Variants in PCDHGA6 observed in about 807,000 individuals in gnomAD.
The protein encoded by PCDHGA6 is protocadherin gamma subfamily A, 6, also known as protocadherin gamma-A6.
A neutral mutation model predicts 60.6 loss-of-function variants in PCDHGA6; 41 were observed. That is an observed-to-expected ratio of 0.68 (90% CI 0.53 to 0.88). The LOEUF (loss-of-function observed/expected upper bound fraction) is 0.88. PCDHGA6 is among the 40% of genes least tolerant of loss of function. PCDHGA6 has a pLI of 0.00. For synonymous variants in PCDHGA6, 594 were observed against 524.4 expected (o/e 1.13, Z -1.81); for missense variants, 1,312 against 1,203.0 (o/e 1.09, Z -1.34).
Position 141,418,795 on chromosome 5 carries a change from A to G in PCDHGA6, c.2424+42288A>G, listed in dbSNP as rs373690093. The G allele has an allele frequency of 6.8e-6, 11 of 1,613,740 alleles. No homozygotes were observed. The African/African-American group carries it at 1.5e-4, about 22-fold the overall frequency. On this transcript the variant is annotated intron_variant, in intron 1 of 3. Transcript: ENST00000517434. Reference sequence around the variant, plus strand: ...AGCAGCCTTTGGATTTTGAAGAAGTAGAAAGATATACGATAAACATAGAAG... The same window carrying G: ...AGCAGCCTTTGGATTTTGAAGAAGTGGAAAGATATACGATAAACATAGAAG...
intron 1 of PCDHGA6, chr5:141,404,885 G>C: frequency 1.2e-6 from 2 of 1,613,906 alleles, no homozygotes; most frequent in Non-Finnish European, 1.7e-6. Context: ...CCTTGTGGTG[G>C]CTGTACAGGA....
intron 1 of PCDHGA6, chr5:141,418,083 T>C: frequency 6.2e-7 from 1 of 1,614,068 alleles, no homozygotes; most frequent in Non-Finnish European, 8.5e-7. Context: ...AAGCTGCACT[T>C]CAGCGTAGAC....
chr5:141,375,701 C>T lies in PCDHGA6; in HGVS notation c.1618C>T (p.Pro540Ser), dbSNP rs768533909. ...GGTGACAGCCAGCGACAGCGGGGAC[C>T]CGCCTCTTAGCAGCAACGTGTCACT... ...LWVTASDSGD[P>S]PLSSNVSLSL... The change falls in exon 1 of 4, where the codon CCG (proline) becomes TCG (serine). Residue 540 changes from proline (P) to serine (S), a missense_variant. Pro to Ser is a moderately conservative substitution (Grantham distance 74). Transcript: ENST00000517434. 7 of 1,614,256 alleles carry T rather than the reference C, an allele frequency of 4.3e-6. No individual in the cohort carries two copies. The highest frequency in any genetic ancestry group is 1.1e-5 in the South Asian group (1 of 91,084).
chr5:141,385,200 C>T (rs776177043), intron 1 of PCDHGA6: 3 of 1,614,214 alleles, frequency 1.9e-6, no homozygotes, highest in Non-Finnish European at 1.7e-6. Context: ...GGAAGAGTCA[C>T]CTGATCTTCC....
intron 1 of PCDHGA6, among the ~76,000 whole-genome samples, chr5:141,445,248 T>C (rs1264046214): frequency 6.6e-6 from 1 of 152,224 alleles, no homozygotes; most frequent in African/African-American, 2.4e-5. Flanking sequence ...CACTATATTG[T>C]GTGAGAATAT....
chr5:141,461,058 T>C (rs1450016344), intron 1 of PCDHGA6, among the ~76,000 whole-genome samples: 2 of 152,010 alleles, frequency 1.3e-5, no homozygotes, highest in Admixed American at 1.3e-4. Context: ...CTTAGGTTGG[T>C]TTCACATTTT....
intron 1 of PCDHGA6, among the ~76,000 whole-genome samples, chr5:141,434,448 G>A (rs2097694852): frequency 6.6e-6 from 1 of 152,210 alleles, no homozygotes; most frequent in Non-Finnish European, 1.5e-5. Context: ...CATGCTGGAA[G>A]GTAGTGGGTT....
chr5:141,399,988 G>C, intron 1 of PCDHGA6: 1 of 1,612,442 alleles, frequency 6.2e-7, no homozygotes, highest in Non-Finnish European at 8.5e-7. Context: ...GCGCACAGGA[G>C]AGGTGCGCAC....
intron 1 of PCDHGA6, chr5:141,422,797 G>A (rs1037091316): frequency 2.5e-6 from 4 of 1,614,244 alleles, no homozygotes; most frequent in Non-Finnish European, 3.4e-6. Context: ...CTTCGACTAT[G>A]AGCAGTTTCG....
intron 1 of PCDHGA6, chr5:141,394,120 C>T: frequency 5.0e-6 from 8 of 1,613,954 alleles, no homozygotes; most frequent in Non-Finnish European, 5.9e-6. Context: ...TCCACTGAAA[C>T]TCAAATCGCT....
chr5:141,441,665 A>C (rs994092543), intron 1 of PCDHGA6: 10 of 265,838 alleles, frequency 3.8e-5, no homozygotes, highest in African/African-American at 2.1e-4. Context: ...CCTTGAGCGC[A>C]CAGTGCGCCT....
intron 1 of PCDHGA6, chr5:141,390,308 T>A (rs768472507): frequency 1.2e-6 from 2 of 1,613,092 alleles, no homozygotes; most frequent in African/African-American, 2.7e-5. Context: ...TATAATTTAA[T>A]GCTCATTGCC....
At chr5:141,395,340 G>A in intron 1 of PCDHGA6, 2 of 1,419,480 alleles carry the variant, frequency 1.4e-6, no homozygotes, top group Non-Finnish European at 1.9e-6. Context: ...TAATTTTTAA[G>A]GTGTATCACA....
chr5:141,414,475 C>T (rs2095752413), intron 1 of PCDHGA6: 1 of 1,613,804 alleles, frequency 6.2e-7, no homozygotes, highest in Non-Finnish European at 8.5e-7. Flanking sequence ...TGGGGGAAGT[C>T]CTCCTCTATC....
At position 141,373,933 on chromosome 5, in the gene PCDHGA6, A is replaced by G. The variant is rs1769964265; in HGVS notation, c.-151A>G. On this transcript the variant is annotated 5_prime_UTR_variant, in exon 1 of 4. Transcript: ENST00000517434. Reference sequence around the variant, plus strand: ...AACAAAGCAAATTAGACGGGAAAGCAGGAAAGCTGTGCAGAAATTCTGACC... The same window carrying G: ...AACAAAGCAAATTAGACGGGAAAGCGGGAAAGCTGTGCAGAAATTCTGACC... 3 of 692,378 alleles carry G rather than the reference A, an allele frequency of 4.3e-6. No individual in the cohort carries two copies. Among genetic ancestry groups the G allele is most frequent in the South Asian group, 3.7e-5 (1 of 27,134 alleles). The allele number at this position is 692,378 out of a possible 1,614,324, so 42.9% of individuals were successfully genotyped here.
In PCDHGA6 at chr5:141,420,134, G is replaced by A. The variant is rs769225630; in HGVS notation, c.2424+43627G>A. The A allele has an allele frequency of 1.1e-5, 18 of 1,613,952 alleles. No homozygotes were observed. Among genetic ancestry groups the A allele is most frequent in the Non-Finnish European group, 1.4e-5 (17 of 1,179,876 alleles). Reference sequence around the variant, plus strand: ...TGCCTATAATTTTTGTGTGCCTGGGGATCAAATGAATCCAGAATTTAATTT... The same window carrying A: ...TGCCTATAATTTTTGTGTGCCTGGGAATCAAATGAATCCAGAATTTAATTT... On this transcript the variant is annotated intron_variant, in intron 1 of 3. Coordinates refer to ENST00000517434, the MANE Select transcript of PCDHGA6 (RefSeq NM_018919.3).
Position 141,504,006 on chromosome 5 carries a change from G to C in PCDHGA6, c.2484-1387G>C, listed in dbSNP as rs138738950. Among the ~76,000 whole-genome samples, 1,431 of 152,182 alleles carry C rather than the reference G, an allele frequency of 9.4e-3. 31 individuals are homozygous for C. The highest frequency in any genetic ancestry group is 0.033 in the African/African-American group (1,367 of 41,490). On this transcript the variant is annotated intron_variant, in intron 2 of 3. Coordinates refer to ENST00000517434, the MANE Select transcript of PCDHGA6 (RefSeq NM_018919.3). The stretch of plus-strand genomic sequence containing the variant: ...CTTCTTACCTTACAGTCACTTAACT[G>C]TCTCTGCTGGTCTCTTCCCACTCAT...
At position 141,376,185 on chromosome 5, in the gene PCDHGA6, C is replaced by A. The variant is rs1772389815; in HGVS notation, c.2102C>A (p.Ser701Tyr). Residue 701 changes from serine (S) to tyrosine (Y), a missense_variant, in exon 1 of 4, where the codon TCC (serine) becomes TAC (tyrosine). Ser to Tyr is a moderately radical substitution (Grantham distance 144). Coordinates refer to ENST00000517434, the MANE Select transcript of PCDHGA6 (RefSeq NM_018919.3). ...CTGGTGGTGGCGGTGGCCGCGGTCT[C>A]CTGCGTCTTCCTGGCCTTCGTCATC... ...LYLVVAVAAV[S>Y]CVFLAFVIVL... is the part of the protein sequence containing the mutation. 9 of 1,614,158 alleles carry A rather than the reference C, an allele frequency of 5.6e-6. No homozygotes were observed. The highest frequency in any genetic ancestry group is 7.6e-6 in the Non-Finnish European group (9 of 1,180,022).
intron 1 of PCDHGA6, chr5:141,394,644 G>C (rs765703225): frequency 1.2e-6 from 2 of 1,613,358 alleles, no homozygotes; most frequent in Admixed American, 3.3e-5. Context: ...CCTGCTCAAG[G>C]CCAGCGAGCC....
Sources: gnomAD v4.1 joint callset for allele counts (sites outside exome capture counted in the v4.1 genomes callset) on GRCh38, gnomAD v4.1.1 for gene constraint, MANE v1.5 for transcripts, NCBI Gene and HGNC (gene_info 2026-07-23, HGNC 2026-07-21) for gene names.